Variants in DUSP10 observed in about 807,000 individuals in gnomAD.
DUSP10 encodes dual specificity protein phosphatase 10.
Under a neutral mutation model 30.8 loss-of-function variants are expected in DUSP10, and 14 were observed. The observed-to-expected ratio is 0.46, with a 90% CI of 0.30 to 0.71. The LOEUF (loss-of-function observed/expected upper bound fraction) is 0.71, where lower values mean the gene tolerates loss of function less well. Ranked by LOEUF, DUSP10 falls within the 30% of genes least tolerant of loss-of-function variation. The probability of loss-of-function intolerance (pLI) is 0.08; values close to 1 mark genes in which losing one functional copy is unlikely to be tolerated. For synonymous variants in DUSP10, 254 were observed against 250.4 expected, an observed-to-expected ratio of 1.01 and a Z score of -0.14; for missense variants, 550 against 619.4, an observed-to-expected ratio of 0.89 and a Z score of 1.19.
chr1:221,725,724 C>T (rs1661406359), intron 2 of DUSP10, among the ~76,000 whole-genome samples: 2 of 152,062 alleles, frequency 1.3e-5, no homozygotes, highest in East Asian at 3.8e-4. Context: ...TTGCTTAAGC[C>T]CCTAGAAGAC....
Position 221,739,287 on chromosome 1 carries a change from T to C in DUSP10, c.458A>G (p.Asn153Ser), listed in dbSNP as rs756698798. Residue 153 changes from asparagine (N) to serine (S), a missense_variant, in exon 2 of 4, where the codon AAT becomes AGT. Coordinates refer to ENST00000366899, the MANE Select transcript of DUSP10 (RefSeq NM_007207.6). Reference protein sequence around the residue: ...QLASIKIIYPNDLAKKMTKCS... With the variant: ...QLASIKIIYPSDLAKKMTKCS... Reference sequence around the variant, plus strand: ...TTTGGTCATCTTCTTTGCCAAGTCATTGGGGTAGATTATTTTGATGCTGGC... The same window carrying C: ...TTTGGTCATCTTCTTTGCCAAGTCACTGGGGTAGATTATTTTGATGCTGGC... 1.1e-5 allele frequency: 17 copies of C among 1,614,130 alleles called. No individual in the cohort carries two copies. In the South Asian group the frequency reaches 1.5e-4, roughly 15 times the overall value.
intron 2 of DUSP10, among the ~76,000 whole-genome samples, chr1:221,730,713 T>C: frequency 6.6e-6 from 1 of 152,226 alleles, no homozygotes; most frequent in East Asian, 1.9e-4. Flanking sequence ...GCTCATTTCC[T>C]TATCCAAAAA....
Position 221,706,504 on chromosome 1 carries a change from T to G in DUSP10, c.812-38A>C. 5.7e-6 allele frequency: 8 copies of G among 1,414,122 alleles called. No homozygotes were observed. The highest frequency in any genetic ancestry group is 7.4e-6 in the Non-Finnish European group (8 of 1,077,388). 87.6% of individuals were successfully genotyped at this position (1,414,122 alleles called of 1,614,324 possible). A position where few individuals can be genotyped will look rare whatever the true frequency, so the allele number is the denominator to read the frequency against. On this transcript the variant is annotated intron_variant, in intron 2 of 3. Coordinates refer to ENST00000366899, the MANE Select transcript of DUSP10 (RefSeq NM_007207.6). This position sits in a 1 kb window ranked among gnomAD's most constrained non-coding sequence, Gnocchi z 4.6. Reference sequence around the variant, plus strand: ...CACAGAAGGTGAGTGTGACTGAGATTTCAGAGCTGGCAGAGAATGCCACCT... The same window carrying G: ...CACAGAAGGTGAGTGTGACTGAGATGTCAGAGCTGGCAGAGAATGCCACCT...
intron 2 of DUSP10, among the ~76,000 whole-genome samples, chr1:221,724,118 G>C (rs1661354382): frequency 6.6e-6 from 1 of 152,228 alleles, no homozygotes; most frequent in Admixed American, 6.5e-5. Flanking sequence ...ACAACGGCCA[G>C]ACAAATTCTC....
chr1:221,730,888 A>T (rs1245454002), intron 2 of DUSP10, among the ~76,000 whole-genome samples: 1 of 152,172 alleles, frequency 6.6e-6, no homozygotes, highest in Non-Finnish European at 1.5e-5. Context: ...TGATATAGAC[A>T]TAACCTGGAA....
At chr1:221,736,392 A>G (rs1378789510) in intron 2 of DUSP10, among the ~76,000 whole-genome samples, 1 of 152,176 alleles carries the variant, frequency 6.6e-6, no homozygotes, top group Non-Finnish European at 1.5e-5. Flanking sequence ...CCCTCCCACC[A>G]ACTTCCCTGC....
In DUSP10 at chr1:221,721,153, A is replaced by C. The variant is rs554041409; in HGVS notation, c.812-14687T>G. 9.2e-5 allele frequency among the ~76,000 whole-genome samples: 14 copies of C among 152,350 alleles called. No individual in the cohort carries two copies. The East Asian group carries it at 2.3e-3, about 25-fold the overall frequency. On this transcript the variant is annotated intron_variant, in intron 2 of 3. Transcript: ENST00000366899. ...GCTACTACATTGTAGTTATTAATAGAAATTCTAAGTATTCACTGTTTAGCA... is the reference window on the plus strand; with the variant it reads ...GCTACTACATTGTAGTTATTAATAGCAATTCTAAGTATTCACTGTTTAGCA...
chr1:221,709,407 G>A (rs755611417), intron 2 of DUSP10, among the ~76,000 whole-genome samples: 30 of 151,066 alleles, frequency 2.0e-4, no homozygotes, highest in Admixed American at 7.9e-4. Context: ...GCAAAAGTAT[G>A]GGTGCATTGT....
intron 3 of DUSP10, among the ~76,000 whole-genome samples, chr1:221,705,258 C>T (rs932951194): frequency 1.3e-5 from 2 of 151,946 alleles, no homozygotes; most frequent in African/African-American, 2.4e-5. Flanking sequence ...TACAGGCATG[C>T]ACCACCACGC....
rs150612120 is a variant in DUSP10 at position 221,703,201 on chromosome 1, A to ATGTG, written c.1184-528_1184-525dup. 2.6e-3 allele frequency among the ~76,000 whole-genome samples: 383 copies of ATGTG among 150,010 alleles called. 2 individuals are homozygous for ATGTG. The highest frequency in any genetic ancestry group is 7.5e-3 in the Admixed American group (113 of 15,078). ...TATATATGTATATGTATGTGTGTGTATGTGTGTGTGTGTGTGTGTATATAT... is the reference window on the plus strand; with the variant it reads ...TATATATGTATATGTATGTGTGTGTATGTGTGTGTGTGTGTGTGTGTGTATATAT... On this transcript the variant is annotated intron_variant, in intron 3 of 3. Coordinates refer to ENST00000366899, the MANE Select transcript of DUSP10 (RefSeq NM_007207.6).
chr1:221,717,250 G>T (rs368036934), intron 2 of DUSP10, among the ~76,000 whole-genome samples: 2 of 152,094 alleles, frequency 1.3e-5, no homozygotes, highest in African/African-American at 4.8e-5. Flanking sequence ...TGACTCAAGG[G>T]AGCCAAATGT....
intron 3 of DUSP10, among the ~76,000 whole-genome samples, chr1:221,704,799 A>G (rs1200298348): frequency 6.6e-6 from 1 of 152,152 alleles, no homozygotes; most frequent in African/African-American, 2.4e-5. Context: ...TTTCAGACTC[A>G]ATATTCCATG....
In DUSP10 at chr1:221,739,681, C is replaced by A. The variant is rs750728887; in HGVS notation, c.64G>T (p.Asp22Tyr). The A allele has an allele frequency of 4.3e-6, 7 of 1,613,854 alleles. No individual in the cohort carries two copies. In the Admixed American group the frequency reaches 1.0e-4, roughly 23 times the overall value. ...VALSRPVRPQ[D>Y]LNLCLDSSYL... ...CTAGAGTCTAAACAAAGGTTGAGAT[C>A]CTGAGGTCGGACGGGCCTAGATAGT... The change falls in exon 2 of 4, where the codon GAT becomes TAT. Residue 22 changes from aspartate (D) to tyrosine (Y), a missense_variant. By Grantham distance (160) the Asp-to-Tyr change is radical. Coordinates refer to ENST00000366899, the MANE Select transcript of DUSP10 (RefSeq NM_007207.6).
chr1:221,716,720 C>T lies in DUSP10; in HGVS notation c.812-10254G>A, dbSNP rs115940457. On this transcript the variant is annotated intron_variant, in intron 2 of 3. Transcript: ENST00000366899. ...GAGGGGTCAGGGGCCGACAGAAAGACAGCCAAGTTCCAGCCCCCATGTTCC... is the reference window on the plus strand; with the variant it reads ...GAGGGGTCAGGGGCCGACAGAAAGATAGCCAAGTTCCAGCCCCCATGTTCC... Among the ~76,000 whole-genome samples the T allele has an allele frequency of 2.3e-3, 353 of 152,332 alleles. 2 individuals carry two copies. The highest frequency in any genetic ancestry group is 8.2e-3 in the African/African-American group (340 of 41,572).
intron 2 of DUSP10, among the ~76,000 whole-genome samples, chr1:221,716,476 C>T (rs958430348): frequency 6.6e-6 from 1 of 152,208 alleles, no homozygotes; most frequent in Middle Eastern, 3.2e-3. Flanking sequence ...TCTGGTGGTT[C>T]CAGTTGTCCC....
intron 2 of DUSP10, among the ~76,000 whole-genome samples, chr1:221,737,684 C>T (rs569420586): frequency 3.8e-4 from 58 of 152,228 alleles, no homozygotes; most frequent in African/African-American, 1.2e-3. Context: ...TTGAGGAGAG[C>T]GGAGGGTGGG....
chr1:221,728,369 A>G (rs1423106744), intron 2 of DUSP10, among the ~76,000 whole-genome samples: 1 of 152,100 alleles, frequency 6.6e-6, no homozygotes, highest in Non-Finnish European at 1.5e-5. Context: ...TGCCTCTATG[A>G]ATGCTGCCCC....
chr1:221,725,906 C>G (rs188368162), intron 2 of DUSP10, among the ~76,000 whole-genome samples: 85 of 152,300 alleles, frequency 5.6e-4, no homozygotes, highest in Middle Eastern at 3.4e-3. Context: ...AAATAAGGAG[C>G]CGTTGTTAGC....
In DUSP10 at chr1:221,706,254, T is replaced by C. The variant is rs764645392; in HGVS notation, c.1024A>G (p.Thr342Ala). Residue 342 changes from threonine to alanine, a missense_variant, in exon 3 of 4, where the codon ACC becomes GCC. By Grantham distance (58) the Thr-to-Ala change is moderately conservative. Transcript: ENST00000366899. The surrounding 1 kb of genome is among the most constrained non-coding windows in gnomAD (Gnocchi z 4.6). ...TAGCCGATGTTCAGCCGCTGCATGG[T>C]GTCCAGGTCCTGAGCATCCTGCTCA... ...GNEQDAQDLD[T>A]MQRLNIGYVI... The C allele has an allele frequency of 2.9e-5, 47 of 1,614,152 alleles. 1 individual carries two copies. In the South Asian group the frequency reaches 4.9e-4, roughly 17 times the overall value.
Sources: allele counts gnomAD v4.1 joint callset (sites outside exome capture counted in the v4.1 genomes callset), GRCh38; gene constraint gnomAD v4.1.1; non-coding constraint Gnocchi (gnomAD v3.1); transcripts MANE v1.5; gene names NCBI Gene and HGNC (gene_info 2026-07-23, HGNC 2026-07-21).